The following LRBA variants were observed in gnomAD, a reference collection of about 807,000 sequenced individuals.
LRBA encodes LPS responsive beige-like anchor protein, also known as lipopolysaccharide-responsive and beige-like anchor protein.
Under a neutral mutation model 330.0 loss-of-function variants are expected in LRBA, and 176 were observed. The observed-to-expected ratio is 0.53, with a 90% confidence interval of 0.47 to 0.60. The LOEUF (loss-of-function observed/expected upper bound fraction) is 0.60. Among genes scored for constraint, LRBA ranks in the 20% least tolerant of loss-of-function variants. The pLI, the probability that LRBA is intolerant of heterozygous loss-of-function variation, is 0.00. For synonymous variants in LRBA, 1,230 were observed against 1,193.0 expected (o/e 1.03, Z -0.64); for missense variants, 3,259 against 3,444.8 (o/e 0.95, Z 1.35).
intron 36 of LRBA, among the ~76,000 whole-genome samples, chr4:150,699,014 T>C (rs1414987850): frequency 1.3e-5 from 2 of 152,154 alleles, no homozygotes; most frequent in Non-Finnish European, 2.9e-5. Context: ...ACAACATATA[T>C]GATAAATTGG....
At chr4:150,768,681 T>G (rs1736112245) in intron 34 of LRBA, among the ~76,000 whole-genome samples, 1 of 152,090 alleles carries the variant, frequency 6.6e-6, no homozygotes, top group Admixed American at 6.5e-5. Context: ...ATATAGATTT[T>G]CTCTGTGTTA....
intron 36 of LRBA, among the ~76,000 whole-genome samples, chr4:150,699,022 T>C (rs2126987270): frequency 6.6e-6 from 1 of 152,222 alleles, no homozygotes; most frequent in Non-Finnish European, 1.5e-5. Context: ...TATGATAAAT[T>C]GGGGTAAGAG....
intron 28 of LRBA, among the ~76,000 whole-genome samples, chr4:150,837,890 T>C (rs1351383549): frequency 2.0e-5 from 3 of 152,236 alleles, no homozygotes; most frequent in South Asian, 2.1e-4. Flanking sequence ...CTAGCATCGA[T>C]GGTCTTTACA....
At chr4:150,693,149 T>C (rs771679428) in intron 36 of LRBA, among the ~76,000 whole-genome samples, 10 of 152,122 alleles carry the variant, frequency 6.6e-5, no homozygotes, top group Non-Finnish European at 1.3e-4. Context: ...TGGAATACTA[T>C]GTAGTAATGA....
At chr4:150,963,548 C>T (rs187480757) in intron 2 of LRBA, among the ~76,000 whole-genome samples, 3,186 of 149,632 alleles carry the variant, frequency 0.021, 96 homozygotes, top group South Asian at 0.045. Flanking sequence ...CCTCCACCTC[C>T]CAGCCGCCTG....
chr4:150,750,410 T>C, intron 35 of LRBA, among the ~76,000 whole-genome samples: 1 of 152,164 alleles, frequency 6.6e-6, no homozygotes, highest in East Asian at 1.9e-4. Flanking sequence ...TTAACTTCCT[T>C]ATATCCGTTT....
At chr4:151,001,985 C>G (rs1198787446) in intron 2 of LRBA, among the ~76,000 whole-genome samples, 1 of 151,948 alleles carries the variant, frequency 6.6e-6, no homozygotes, top group Non-Finnish European at 1.5e-5. Flanking sequence ...ACAGACGCCA[C>G]TGACACTGTT....
rs1749291402 is a variant in LRBA, at chr4:150,424,590, C to T, written c.7042-9000G>A. Among the ~76,000 whole-genome samples, 2 of 152,204 alleles carry T rather than the reference C, an allele frequency of 1.3e-5. 1 individual carries two copies. The highest frequency in any genetic ancestry group is 4.1e-4 in the South Asian group (2 of 4,834). On this transcript the variant is annotated intron_variant, in intron 46 of 56. Coordinates refer to ENST00000651943, the MANE Select transcript of LRBA (RefSeq NM_001364905.1). The stretch of plus-strand genomic sequence containing the variant: ...GGTGCCTTGGACAGGACACCAGGTG[C>T]CATCCCATAGCAGGGAGCACGTGCG...
intron 34 of LRBA, among the ~76,000 whole-genome samples, chr4:150,775,586 CT>C (rs1737191964): frequency 6.6e-6 from 1 of 151,094 alleles, no homozygotes; most frequent in African/African-American, 2.4e-5. Context: ...TCCTATAGAT[CT>C]AAAGGACAAC....
chr4:150,472,940 C>T (rs1244216827), intron 42 of LRBA, among the ~76,000 whole-genome samples: 1 of 152,044 alleles, frequency 6.6e-6, no homozygotes, highest in Non-Finnish European at 1.5e-5. Flanking sequence ...CTACCATAAA[C>T]ATTCATGTAT....
At chr4:150,510,941 C>T (rs527467285) in intron 40 of LRBA, among the ~76,000 whole-genome samples, 139 of 152,128 alleles carry the variant, frequency 9.1e-4, no homozygotes, top group African/African-American at 3.1e-3. Flanking sequence ...CTGCAACCTC[C>T]GCCTCCCGGG....
At chr4:150,936,157 T>C (rs1215818575) in intron 2 of LRBA, among the ~76,000 whole-genome samples, 1 of 152,080 alleles carries the variant, frequency 6.6e-6, no homozygotes, top group Non-Finnish European at 1.5e-5. Context: ...AAACAGATAC[T>C]TTCATACACT....
chr4:150,675,058 G>GA (rs981704947), intron 37 of LRBA, among the ~76,000 whole-genome samples: 27 of 148,646 alleles, frequency 1.8e-4, no homozygotes, highest in Middle Eastern at 3.4e-3. Context: ...TGCCCAGAAA[G>GA]AAAAAAAAAA....
At chr4:150,423,604 C>T (rs898134983) in intron 46 of LRBA, 7 of 324,674 alleles carry the variant, frequency 2.2e-5, no homozygotes, top group East Asian at 1.7e-4. Context: ...AAGGAGAGAC[C>T]GAATGGTGAA....
intron 51 of LRBA, among the ~76,000 whole-genome samples, chr4:150,314,241 T>C (rs989439854): frequency 6.6e-6 from 1 of 152,182 alleles, no homozygotes; most frequent in African/African-American, 2.4e-5. Context: ...ATGGGCTTTA[T>C]TATTTTCCTG....
intron 36 of LRBA, among the ~76,000 whole-genome samples, chr4:150,691,380 A>G (rs1350484836): frequency 6.6e-6 from 1 of 152,260 alleles, no homozygotes; most frequent in African/African-American, 2.4e-5. Flanking sequence ...AACCTAATTA[A>G]AAATAATTAG....
chr4:150,808,475 T>C (rs113910100), intron 31 of LRBA, 77 bp from the exon 32 acceptor site: 1 of 780,598 alleles, frequency 1.3e-6, no homozygotes. Context: ...AATGTCATTA[T>C]ACCAGTCAAT....
chr4:150,719,968 T>G (rs1166566745), intron 36 of LRBA, among the ~76,000 whole-genome samples: 1 of 152,026 alleles, frequency 6.6e-6, no homozygotes, highest in Non-Finnish European at 1.5e-5. Context: ...TTTAACAAAA[T>G]CTTAGAAAAA....
intron 2 of LRBA, among the ~76,000 whole-genome samples, chr4:150,979,914 T>C (rs981725956): frequency 6.6e-6 from 1 of 152,068 alleles, no homozygotes; most frequent in South Asian, 2.1e-4. Flanking sequence ...CTAATACCAA[T>C]CCTACTCAAA....
Sources: gnomAD v4.1 joint callset for allele counts (sites outside exome capture counted in the v4.1 genomes callset) on GRCh38, gnomAD v4.1.1 for gene constraint, MANE v1.5 for transcripts, NCBI Gene and HGNC (gene_info 2026-07-23, HGNC 2026-07-21) for gene names.